Variants in PFKL observed in about 807,000 individuals in gnomAD.
The protein encoded by PFKL is ATP-dependent 6-phosphofructokinase, liver type.
A neutral mutation model predicts 92.1 loss-of-function variants in PFKL; 74 were observed. The ratio of observed to expected loss-of-function variants is 0.80; its 90% CI spans 0.67 to 0.97. The LOEUF (loss-of-function observed/expected upper bound fraction) is 0.97. Ranked by LOEUF, PFKL falls within the 50% of genes least tolerant of loss-of-function variation. The pLI is 0.00. For missense variants in PFKL, 1,028 were observed against 1,116.6 expected (o/e 0.92, Z 1.13); for synonymous variants, 494 against 456.4 (o/e 1.08, Z -1.05).
At chr21:44,306,065 C>T (rs938531587) in intron 1 of PFKL, 12 of 780,450 alleles carry the variant, frequency 1.5e-5, no homozygotes, top group Middle Eastern at 5.5e-4. Flanking sequence ...CAGGTGCTTT[C>T]CTCAGTGCCC....
Position 44,326,204 on chromosome 21 carries a change from TGAA to T in PFKL, c.2143_2145del (p.Lys715del), listed in dbSNP as rs747991956. On this transcript the variant is annotated inframe_deletion, in exon 21 of 22. Transcript: ENST00000349048. ...CCAGACTCGGCCTGCGTGATCGGCC[TGAA>T]GAAGAAGGCGGTGGCCTTCAGCCCC... The T allele has an allele frequency of 6.8e-6, 11 of 1,613,114 alleles. No homozygotes were observed. The highest frequency in any genetic ancestry group is 1.6e-4 in the Middle Eastern group (1 of 6,062).
rs370629110 is a variant in PFKL at position 44,324,928 on chromosome 21, C to T, written c.1877+11C>T. On this transcript the variant is annotated intron_variant, in intron 18 of 21. Coordinates refer to ENST00000349048, the MANE Select transcript of PFKL (RefSeq NM_002626.6). ...GGGCCTGGTGCTGCGGTGAGGCTGC[C>T]GTGGGTCCCTGGCCACAGCTGCGCG... is the stretch of plus-strand genomic sequence containing the variant. 5.6e-5 allele frequency: 90 copies of T among 1,598,236 alleles called. No individual in the cohort carries two copies. The African/African-American group carries it at 7.6e-4, about 14-fold the overall frequency.
Position 44,308,148 on chromosome 21 carries a change from C to T in PFKL, c.159+1394C>T, listed in dbSNP as rs537645508. 3.3e-5 allele frequency among the ~76,000 whole-genome samples: 5 copies of T among 152,158 alleles called. No individual in the cohort carries two copies. The South Asian group carries it at 6.2e-4, about 19-fold the overall frequency. The stretch of plus-strand genomic sequence containing the variant: ...GGAAAAAGAATGAAGTGGGTGGGCG[C>T]GGGTCCTGGGGCTGTCTCTGGGTCC... On this transcript the variant is annotated intron_variant, in intron 2 of 21. Transcript: ENST00000349048.
chr21:44,317,889 C>T (rs1367355646), intron 9 of PFKL, among the ~76,000 whole-genome samples: 2 of 152,216 alleles, frequency 1.3e-5, no homozygotes, highest in African/African-American at 4.8e-5. Flanking sequence ...CTGTCTGTGG[C>T]CCCGGGGGTC....
At chr21:44,318,650 C>T (rs1306074524) in intron 10 of PFKL, 55 bp downstream of exon 10, 12 of 1,388,470 alleles carry the variant, frequency 8.6e-6, no homozygotes, top group Non-Finnish European at 6.6e-6. Flanking sequence ...CCAGTCCCCA[C>T]TCACAGGCCC....
intron 1 of PFKL, among the ~76,000 whole-genome samples, chr21:44,303,582 T>C (rs1292816698): frequency 6.6e-6 from 1 of 151,910 alleles, no homozygotes; most frequent in African/African-American, 2.4e-5. Context: ...CCCTGGCTGG[T>C]GTGTTTGGAC....
chr21:44,313,955 G>T lies in PFKL; in HGVS notation c.681G>T (p.Trp227Cys), dbSNP rs768629134. The T allele has an allele frequency of 3.7e-6, 6 of 1,607,798 alleles. No homozygotes were observed. The highest frequency in any genetic ancestry group is 3.3e-4 in the Middle Eastern group (2 of 6,006). ...CTGCACTGGCCTCAGGGGCCGACTG[G>T]CTGTTCATCCCCGAGGCTCCACCCG... ...LVSALASGAD[W>C]LFIPEAPPED... The change falls in exon 7 of 22, where the codon TGG becomes TGT. Residue 227 changes from tryptophan (W) to cysteine (C), a missense_variant. Transcript: ENST00000349048.
chr21:44,307,535 G>C (rs2040987525), intron 2 of PFKL, among the ~76,000 whole-genome samples: 1 of 152,184 alleles, frequency 6.6e-6, no homozygotes, highest in African/African-American at 2.4e-5. Flanking sequence ...CAGCTCTGCA[G>C]CCCCAGGCAC....
chr21:44,324,277 C>T, intron 16 of PFKL: 1 of 604,762 alleles, frequency 1.7e-6, no homozygotes. Context: ...CTGCTGTCCA[C>T]TGTGCCCTGG....
intron 1 of PFKL, chr21:44,305,125 GC>G: frequency 1.3e-5 from 9 of 712,120 alleles, no homozygotes; most frequent in Non-Finnish European, 1.8e-5. Flanking sequence ...TGGCTCTGCT[GC>G]CACCTGCTGG....
rs542348352 is a variant in PFKL at position 44,327,127 on chromosome 21, G to A, written c.*265G>A. Reference sequence around the variant, plus strand: ...CTGCCCAGGGGACGTGGCGCTGTCGGTGTTTGGAGGCTGCTGCCCCCTGGC... The same window carrying A: ...CTGCCCAGGGGACGTGGCGCTGTCGATGTTTGGAGGCTGCTGCCCCCTGGC... On this transcript the variant is annotated 3_prime_UTR_variant, in exon 22 of 22. Coordinates refer to ENST00000349048, the MANE Select transcript of PFKL (RefSeq NM_002626.6). The A allele has an allele frequency of 7.3e-5, 38 of 521,714 alleles. No individual in the cohort carries two copies. In the East Asian group the frequency reaches 7.5e-4, roughly 10 times the overall value. 32.3% of individuals were successfully genotyped at this position (521,714 alleles called of 1,614,324 possible). A position where few individuals can be genotyped will look rare whatever the true frequency, so the allele number is the denominator to read the frequency against.
intron 1 of PFKL, among the ~76,000 whole-genome samples, chr21:44,306,448 G>A (rs895320177): frequency 1.3e-5 from 2 of 152,160 alleles, no homozygotes; most frequent in Non-Finnish European, 2.9e-5. Context: ...AGATGGGGAG[G>A]GTGACCAGGC....
chr21:44,309,391 C>T (rs1160706099), intron 2 of PFKL, among the ~76,000 whole-genome samples: 1 of 131,912 alleles, frequency 7.6e-6, no homozygotes, highest in South Asian at 2.7e-4. Flanking sequence ...GAGGAGGGGG[C>T]GGGGCTAGAG....
chr21:44,313,876 G>A (rs1042146252), intron 6 of PFKL, 37 bp from the exon 7 acceptor site: 1 of 1,504,008 alleles, frequency 6.6e-7, no homozygotes, highest in East Asian at 2.4e-5. Flanking sequence ...CAACGGCTGG[G>A]TGGGGGTCCT....
rs947641368 is a variant in PFKL, at chr21:44,312,943, G to A, written c.428-35G>A. 6.2e-6 allele frequency: 10 copies of A among 1,607,634 alleles called. No individual in the cohort carries two copies. The African/African-American group carries it at 1.1e-4, about 17-fold the overall frequency. On this transcript the variant is annotated intron_variant, in intron 4 of 21. Coordinates refer to ENST00000349048, the MANE Select transcript of PFKL (RefSeq NM_002626.6). ...CTGGCCCTGTGGTGGGGCCAGTGGA[G>A]CCTCAGCCAGGTCCTCCTGCTGCTC...
chr21:44,305,185 T>G, intron 1 of PFKL: 1 of 1,170,198 alleles, frequency 8.5e-7, no homozygotes, highest in South Asian at 1.4e-5. Flanking sequence ...TGGATTCCTG[T>G]AGTGTGGGGA....
At chr21:44,311,227 CACACACACACAGATGT>C (rs1361189753) in intron 3 of PFKL, 144 bp downstream of exon 3, 1 of 621,724 alleles carries the variant, frequency 1.6e-6, no homozygotes, top group African/African-American at 1.8e-5. Flanking sequence ...CACACAGACG[CACACACACACAGATGT>C]GCACACACAC....
chr21:44,307,690 G>T (rs2040992783), intron 2 of PFKL, among the ~76,000 whole-genome samples: 1 of 152,034 alleles, frequency 6.6e-6, no homozygotes, highest in South Asian at 2.1e-4. Flanking sequence ...TGAGTGGGCA[G>T]TCTGTGCTGG....
chr21:44,315,951 T>G, intron 7 of PFKL: 1 of 445,504 alleles, frequency 2.2e-6, no homozygotes, highest in Non-Finnish European at 4.1e-6. Flanking sequence ...GCCCCAGCTG[T>G]GTGTGTGCTG....
Sources: gnomAD v4.1 joint callset for allele counts (sites outside exome capture counted in the v4.1 genomes callset) on GRCh38, gnomAD v4.1.1 for gene constraint, MANE v1.5 for transcripts, NCBI Gene and HGNC (gene_info 2026-07-23, HGNC 2026-07-21) for gene names.